The following RSPO2 variants were observed in gnomAD, a reference collection of about 807,000 sequenced individuals.
The protein encoded by RSPO2 is R-spondin 2, also known as R-spondin-2.
A neutral mutation model predicts 30.9 loss-of-function variants in RSPO2; 14 were observed. The ratio of observed to expected loss-of-function variants is 0.45; its 90% CI spans 0.30 to 0.71. The LOEUF (loss-of-function observed/expected upper bound fraction) is 0.71, where lower values mean the gene tolerates loss of function less well. Among genes scored for constraint, RSPO2 ranks in the 30% least tolerant of loss-of-function variants. RSPO2 has a pLI of 0.08. For synonymous variants in RSPO2, 107 were observed against 96.4 expected (o/e 1.11, Z -0.64); for missense variants, 264 against 301.9 (o/e 0.87, Z 0.93).
At chr8:108,024,739 G>A (rs1450049541) in intron 2 of RSPO2, among the ~76,000 whole-genome samples, 2 of 152,188 alleles carry the variant, frequency 1.3e-5, no homozygotes, top group Non-Finnish European at 2.9e-5. Context: ...ACAAGGATAG[G>A]CTGGGCATGG....
chr8:107,934,792 C>G (rs557682948), intron 5 of RSPO2, among the ~76,000 whole-genome samples: 1 of 152,152 alleles, frequency 6.6e-6, no homozygotes, highest in Admixed American at 6.6e-5. Context: ...TTTATAATTT[C>G]TTATGCCTGT....
At chr8:108,076,654 G>C (rs902493376) in intron 2 of RSPO2, among the ~76,000 whole-genome samples, 4 of 152,094 alleles carry the variant, frequency 2.6e-5, no homozygotes, top group East Asian at 3.9e-4. Context: ...ATTTGGGAGG[G>C]GGCACAGAAA....
chr8:107,989,176 A>G lies in RSPO2; in HGVS notation c.163T>C (p.Cys55Arg), dbSNP rs1280882436. The G allele has an allele frequency of 6.2e-7, 1 of 1,611,784 alleles. No homozygotes were observed. The highest frequency in any genetic ancestry group is 1.3e-5 in the African/African-American group (1 of 74,788). The change falls in exon 3 of 6, where the codon TGT (cysteine) becomes CGT (arginine). Residue 55 changes from cysteine to arginine, a missense_variant. Cys to Arg is a radical substitution (Grantham distance 180). Coordinates refer to ENST00000276659, the MANE Select transcript of RSPO2 (RefSeq NM_178565.5). The stretch of plus-strand genomic sequence containing the variant: ...AGGAAGAAGAACAACTTCTGTTGAC[A>G]TCGGCTACACCCATTGTCCTTTGAA... Reference protein sequence around the residue: ...SCSKDNGCSRCQQKLFFFLRR... With the variant: ...SCSKDNGCSRRQQKLFFFLRR...
intron 2 of RSPO2, among the ~76,000 whole-genome samples, chr8:108,063,958 G>A (rs1461344304): frequency 5.9e-5 from 9 of 152,132 alleles, no homozygotes; most frequent in Non-Finnish European, 1.3e-4. Context: ...AATGGTGCTG[G>A]GAAAACTGGC....
chr8:107,956,083 C>T (rs1333476658), intron 5 of RSPO2, among the ~76,000 whole-genome samples: 3 of 152,296 alleles, frequency 2.0e-5, no homozygotes, highest in African/African-American at 4.8e-5. Context: ...CTGGAAGTTA[C>T]GCCAATTTTT....
At chr8:107,970,147 C>T (rs1331540575) in intron 3 of RSPO2, among the ~76,000 whole-genome samples, 1 of 152,136 alleles carries the variant, frequency 6.6e-6, no homozygotes, top group Non-Finnish European at 1.5e-5. Flanking sequence ...CGGTATCTGT[C>T]TAAACAACTC....
chr8:107,957,172 G>T (rs1813459264), intron 5 of RSPO2, among the ~76,000 whole-genome samples: 1 of 152,160 alleles, frequency 6.6e-6, no homozygotes, highest in South Asian at 2.1e-4. Context: ...TTCTCTTTCT[G>T]GGCTATGGTC....
chr8:108,082,916 GAACCCAC>G (rs1315129077), intron 1 of RSPO2, 109 bp from the exon 2 acceptor site: 6 of 445,996 alleles, frequency 1.3e-5, no homozygotes, highest in Non-Finnish European at 2.0e-5. Flanking sequence ...AGGAGGAAGC[GAACCCAC>G]TGCCTAGCAC....
chr8:108,048,334 A>G (rs550234105), intron 2 of RSPO2, among the ~76,000 whole-genome samples: 1 of 151,844 alleles, frequency 6.6e-6, no homozygotes, highest in Admixed American at 6.6e-5. Context: ...TGCCCTTTGC[A>G]TCCCTCACTG....
intron 5 of RSPO2, among the ~76,000 whole-genome samples, chr8:107,920,615 G>A (rs1368781632): frequency 2.0e-5 from 3 of 152,096 alleles, no homozygotes; most frequent in Non-Finnish European, 4.4e-5. Context: ...CACAATTTGA[G>A]TACATTGATT....
chr8:107,981,244 C>A (rs186218955), intron 3 of RSPO2, among the ~76,000 whole-genome samples: 6 of 152,188 alleles, frequency 3.9e-5, no homozygotes, highest in African/African-American at 1.4e-4. Flanking sequence ...ACAGGCTGGG[C>A]TCAGTGGCTC....
chr8:107,944,422 G>T (rs1812991163), intron 5 of RSPO2, among the ~76,000 whole-genome samples: 2 of 152,070 alleles, frequency 1.3e-5, no homozygotes, highest in Admixed American at 6.6e-5. Context: ...CTTTTTATTG[G>T]TATATCATAG....
intron 2 of RSPO2, among the ~76,000 whole-genome samples, chr8:108,038,707 T>C (rs2130651488): frequency 6.6e-6 from 1 of 151,616 alleles, no homozygotes; most frequent in African/African-American, 2.4e-5. Context: ...CAAGACCCTC[T>C]ACCAGCAAAC....
intron 2 of RSPO2, among the ~76,000 whole-genome samples, chr8:108,024,967 CGAGAT>C (rs1563568604): frequency 6.6e-6 from 1 of 151,934 alleles, no homozygotes; most frequent in Non-Finnish European, 1.5e-5. Context: ...GGCAGCGAGC[CGAGAT>C]CATGCCACTG....
At chr8:107,919,444 C>A (rs1321172147) in intron 5 of RSPO2, among the ~76,000 whole-genome samples, 1 of 152,128 alleles carries the variant, frequency 6.6e-6, no homozygotes, top group Non-Finnish European at 1.5e-5. Flanking sequence ...TGACTGGGGA[C>A]TAGACTGCCT....
chr8:108,001,967 T>C (rs1466811023), intron 2 of RSPO2, among the ~76,000 whole-genome samples: 3 of 152,096 alleles, frequency 2.0e-5, no homozygotes, highest in Admixed American at 6.5e-5. Flanking sequence ...GACGGATTGA[T>C]GGGTGCAGCA....
intron 5 of RSPO2, among the ~76,000 whole-genome samples, chr8:107,915,102 A>G (rs1005697925): frequency 2.8e-4 from 43 of 152,168 alleles, no homozygotes; most frequent in African/African-American, 8.7e-4. Context: ...TCATATGTGC[A>G]TGTGTAATCT....
chr8:107,998,360 A>T (rs1334942445), intron 2 of RSPO2, among the ~76,000 whole-genome samples: 1 of 152,178 alleles, frequency 6.6e-6, no homozygotes, highest in African/African-American at 2.4e-5. Context: ...TCCTGTAATC[A>T]TGTATACTAC....
At chr8:107,928,687 T>C (rs1469477928) in intron 5 of RSPO2, among the ~76,000 whole-genome samples, 1 of 152,232 alleles carries the variant, frequency 6.6e-6, no homozygotes, top group African/African-American at 2.4e-5. Flanking sequence ...GGTTTCAGCC[T>C]CAGCTCTGCC....
Sources: allele counts gnomAD v4.1 joint callset (sites outside exome capture counted in the v4.1 genomes callset), GRCh38; gene constraint gnomAD v4.1.1; transcripts MANE v1.5; gene names NCBI Gene and HGNC (gene_info 2026-07-23, HGNC 2026-07-21).